MGAT4C: variants seen among roughly 807,000 people sequenced by gnomAD.
The protein encoded by MGAT4C is MGAT4 family member C.
MGAT4C carries 19 observed loss-of-function variants against 40.1 expected under a neutral mutation model. That is an observed-to-expected ratio of 0.47 (90% CI 0.33 to 0.70). MGAT4C has a LOEUF of 0.70. MGAT4C is among the 30% of genes least tolerant of loss of function. The pLI, the probability that MGAT4C is intolerant of heterozygous loss-of-function variation, is 0.02. For synonymous variants in MGAT4C, 181 were observed against 187.1 expected (o/e 0.97, Z 0.27); for missense variants, 491 against 563.2 (o/e 0.87, Z 1.30).
At chr12:86,544,865 C>A (rs1424576167) in intron 2 of MGAT4C, among the ~76,000 whole-genome samples, 2 of 151,944 alleles carry the variant, frequency 1.3e-5, no homozygotes, top group Non-Finnish European at 2.9e-5. Flanking sequence ...TCAATAGATA[C>A]ATTATTCTTA....
At chr12:86,723,852 T>C (rs1310483992) in intron 2 of MGAT4C, among the ~76,000 whole-genome samples, 2 of 152,164 alleles carry the variant, frequency 1.3e-5, no homozygotes, top group Non-Finnish European at 2.9e-5. Context: ...ACAAATAAAA[T>C]GTAACAACTG....
rs549858854 is a variant in MGAT4C at position 86,106,222 on chromosome 12, G to C, written c.-56-56499C>G. ...TTTGACTGATTTGCCATCTGATTTG[G>C]TGTTTGATATATTTCTCTTCTCTTT... On this transcript the variant is annotated intron_variant, in intron 1 of 4. Coordinates refer to ENST00000611864, the MANE Select transcript of MGAT4C (RefSeq NM_001351288.2). Among the ~76,000 whole-genome samples, 52 of 151,936 alleles carry C rather than the reference G, an allele frequency of 3.4e-4. 1 individual carries two copies. Among genetic ancestry groups the C allele is most frequent in the Non-Finnish European group, 7.2e-4 (49 of 67,984 alleles).
At chr12:86,556,116 T>C (rs975172568) in intron 2 of MGAT4C, among the ~76,000 whole-genome samples, 1 of 152,226 alleles carries the variant, frequency 6.6e-6, no homozygotes, top group Admixed American at 6.5e-5. Context: ...ATTTTTATTA[T>C]TGCATTTTTA....
intron 2 of MGAT4C, among the ~76,000 whole-genome samples, chr12:86,514,686 T>G (rs981360103): frequency 6.6e-6 from 1 of 152,170 alleles, no homozygotes; most frequent in South Asian, 2.1e-4. Context: ...CTGGATAATC[T>G]CTCCATTTCA....
intron 2 of MGAT4C, among the ~76,000 whole-genome samples, chr12:86,467,795 T>C (rs989875422): frequency 6.6e-6 from 1 of 152,126 alleles, no homozygotes; most frequent in African/African-American, 2.4e-5. Context: ...GTTTCCAGGA[T>C]TCTTGAGATA....
intron 2 of MGAT4C, among the ~76,000 whole-genome samples, chr12:86,534,552 A>T (rs555980475): frequency 6.6e-6 from 1 of 152,262 alleles, no homozygotes; most frequent in East Asian, 1.9e-4. Flanking sequence ...TAAATATTTT[A>T]CAATATGTTA....
intron 4 of MGAT4C, among the ~76,000 whole-genome samples, chr12:85,982,857 G>A (rs1374324790): frequency 2.6e-5 from 4 of 152,142 alleles, no homozygotes; most frequent in African/African-American, 9.7e-5. Flanking sequence ...CTTATAAAAA[G>A]AGGAAAAGAC....
At chr12:86,492,242 A>G (rs1272327672) in intron 2 of MGAT4C, among the ~76,000 whole-genome samples, 3 of 152,216 alleles carry the variant, frequency 2.0e-5, no homozygotes, top group South Asian at 2.1e-4. Context: ...TATAGATTCA[A>G]TGTCATCCCC....
At chr12:86,805,131 C>T (rs935665546) in intron 1 of MGAT4C, among the ~76,000 whole-genome samples, 1 of 151,894 alleles carries the variant, frequency 6.6e-6, no homozygotes, top group East Asian at 1.9e-4. Flanking sequence ...TTTTCAATGA[C>T]TGTGATATAA....
At chr12:86,190,987 T>C (rs1402442891) in intron 1 of MGAT4C, among the ~76,000 whole-genome samples, 1 of 151,864 alleles carries the variant, frequency 6.6e-6, no homozygotes, top group Non-Finnish European at 1.5e-5. Context: ...TGTCAACTCT[T>C]AGCTGAGTTT....
chr12:86,773,814 T>C (rs998527708), intron 1 of MGAT4C, among the ~76,000 whole-genome samples: 9 of 152,016 alleles, frequency 5.9e-5, no homozygotes, highest in Non-Finnish European at 1.3e-4. Flanking sequence ...TAATTACATA[T>C]AATGTATATT....
At chr12:86,624,085 T>TGGTGTTTGGACATATGTC (rs1962723692) in intron 2 of MGAT4C, among the ~76,000 whole-genome samples, 2 of 152,248 alleles carry the variant, frequency 1.3e-5, no homozygotes, top group Admixed American at 6.5e-5. Context: ...AGACATATGT[T>TGGTGTTTGGACATATGTC]GGTGTTTGGA....
chr12:86,316,999 G>C (rs1368347458), intron 4 of MGAT4C, among the ~76,000 whole-genome samples: 2 of 151,698 alleles, frequency 1.3e-5, no homozygotes, highest in African/African-American at 2.4e-5. Context: ...ATCAAGGAAA[G>C]AAGAAAGGAC....
At chr12:86,234,154 G>GT (rs1437733304) in intron 1 of MGAT4C, among the ~76,000 whole-genome samples, 1 of 152,028 alleles carries the variant, frequency 6.6e-6, no homozygotes, top group African/African-American at 2.4e-5. Context: ...ATCTGGTTTA[G>GT]TTTTTTGTAA....
At chr12:86,031,742 AT>A (rs1890774173) in intron 2 of MGAT4C, among the ~76,000 whole-genome samples, 1 of 151,760 alleles carries the variant, frequency 6.6e-6, no homozygotes, top group Non-Finnish European at 1.5e-5. Flanking sequence ...ACTTTATTCA[AT>A]TTTATTTATT....
intron 1 of MGAT4C, among the ~76,000 whole-genome samples, chr12:86,814,156 A>G (rs1273793584): frequency 6.6e-6 from 1 of 151,606 alleles, no homozygotes; most frequent in Non-Finnish European, 1.5e-5. Flanking sequence ...AGGCTGATAG[A>G]TATATTTCTA....
intron 3 of MGAT4C, among the ~76,000 whole-genome samples, chr12:86,359,779 G>A (rs1955413603): frequency 6.6e-6 from 1 of 152,128 alleles, no homozygotes; most frequent in Non-Finnish European, 1.5e-5. Flanking sequence ...GACTAAACCA[G>A]GAAGAAGTTG....
intron 4 of MGAT4C, among the ~76,000 whole-genome samples, chr12:86,289,462 T>C (rs1953446584): frequency 6.6e-6 from 1 of 152,214 alleles, no homozygotes; most frequent in Non-Finnish European, 1.5e-5. Flanking sequence ...GGTAGTTTGA[T>C]AGGAATAGTA....
At chr12:86,126,450 G>C (rs749153976) in intron 1 of MGAT4C, among the ~76,000 whole-genome samples, 2 of 152,040 alleles carry the variant, frequency 1.3e-5, no homozygotes, top group Non-Finnish European at 2.9e-5. Flanking sequence ...TTTAACCGTT[G>C]TACTAAATTT....
Sources: gnomAD v4.1 joint callset for allele counts (sites outside exome capture counted in the v4.1 genomes callset) on GRCh38, gnomAD v4.1.1 for gene constraint, MANE v1.5 for transcripts, NCBI Gene and HGNC (gene_info 2026-07-23, HGNC 2026-07-21) for gene names.